Variants in TCF7L1 observed in about 807,000 individuals in gnomAD.
TCF7L1 encodes transcription factor 7 like 1.
TCF7L1 carries 18 observed loss-of-function variants against 63.7 expected under a neutral mutation model. That is an observed-to-expected ratio of 0.28 (90% CI 0.20 to 0.42). The LOEUF (loss-of-function observed/expected upper bound fraction) is 0.42. Among genes scored for constraint, TCF7L1 ranks in the 10% least tolerant of loss-of-function variants. The pLI is 1.00. For missense variants in TCF7L1, 654 were observed against 779.3 expected (o/e 0.84, Z 1.91); for synonymous variants, 355 against 340.9 (o/e 1.04, Z -0.46).
At chr2:85,144,442 C>CA (rs113744347) in intron 3 of TCF7L1, among the ~76,000 whole-genome samples, 3 of 145,602 alleles carry the variant, frequency 2.1e-5, no homozygotes, top group Non-Finnish European at 3.0e-5. Flanking sequence ...AAACAAAAAC[C>CA]AAAAAAAACA....
intron 3 of TCF7L1, among the ~76,000 whole-genome samples, chr2:85,146,734 C>T (rs941996045): frequency 6.6e-6 from 1 of 151,964 alleles, no homozygotes; most frequent in African/African-American, 2.4e-5. Context: ...GATGTTCTGA[C>T]CTCAGGTGAT....
At chr2:85,222,407 C>T (rs906335925) in intron 3 of TCF7L1, among the ~76,000 whole-genome samples, 5 of 149,460 alleles carry the variant, frequency 3.3e-5, no homozygotes, top group African/African-American at 4.9e-5. Flanking sequence ...TGGTGGTTCA[C>T]GCCTGTAATC....
chr2:85,201,127 T>G (rs994471393), intron 3 of TCF7L1, among the ~76,000 whole-genome samples: 1 of 152,172 alleles, frequency 6.6e-6, no homozygotes, highest in Non-Finnish European at 1.5e-5. Flanking sequence ...CGCTTGAACC[T>G]GGGAGGCGGA....
chr2:85,255,158 C>T (rs535870026), intron 3 of TCF7L1, among the ~76,000 whole-genome samples: 1 of 152,160 alleles, frequency 6.6e-6, no homozygotes, highest in Non-Finnish European at 1.5e-5. Context: ...CTGGGCCCCA[C>T]GACACACCTC....
chr2:85,223,234 A>G (rs1679886632), intron 3 of TCF7L1, among the ~76,000 whole-genome samples: 1 of 152,206 alleles, frequency 6.6e-6, no homozygotes, highest in East Asian at 1.9e-4. Context: ...GGTGTGTGCC[A>G]TCACGCCCTG....
In TCF7L1 at chr2:85,302,568, C is replaced by T; in HGVS notation, c.610C>T (p.Pro204Ser). ...LITYSNDHFS[P>S]GSPPTHLSPE... ...CACCTACAGCAATGACCACTTCTCC[C>T]CCGGCTCCCCTCCCACCCACCTCTC... Residue 204 changes from proline to serine, a missense_variant, in exon 5 of 12, where the codon CCC (proline) becomes TCC (serine). By Grantham distance (74) the Pro-to-Ser change is moderately conservative. Coordinates refer to ENST00000282111, the MANE Select transcript of TCF7L1 (RefSeq NM_031283.3). 2 of 1,614,140 alleles carry T rather than the reference C, an allele frequency of 1.2e-6. No homozygotes were observed. Among genetic ancestry groups the T allele is most frequent in the Non-Finnish European group, 1.7e-6 (2 of 1,179,972 alleles).
intron 3 of TCF7L1, among the ~76,000 whole-genome samples, chr2:85,204,461 C>T (rs1679350193): frequency 1.3e-5 from 2 of 152,152 alleles, no homozygotes; most frequent in African/African-American, 2.4e-5. Context: ...CATACTTGAA[C>T]ACACCTTTGT....
At chr2:85,244,047 A>G (rs1680404178) in intron 3 of TCF7L1, among the ~76,000 whole-genome samples, 1 of 152,244 alleles carries the variant, frequency 6.6e-6, no homozygotes, top group South Asian at 2.1e-4. Context: ...CAGGGAGGTG[A>G]CAAACTCTAT....
intron 3 of TCF7L1, among the ~76,000 whole-genome samples, chr2:85,167,725 ATGG>A (rs1203247203): frequency 6.6e-6 from 1 of 152,156 alleles, no homozygotes; most frequent in Admixed American, 6.5e-5. Flanking sequence ...TAAGCTGAGC[ATGG>A]TGGCACATGC....
At position 85,134,214 on chromosome 2, in the gene TCF7L1, G is replaced by A; in HGVS notation, c.314-109G>A. ...GCCTTTATTGGCGGCAGCCCCCGTGGGGCGCGCGTGGGGGGCGCTGGGGTC... is the reference window on the plus strand; with the variant it reads ...GCCTTTATTGGCGGCAGCCCCCGTGAGGCGCGCGTGGGGGGCGCTGGGGTC... On this transcript the variant is annotated intron_variant, in intron 2 of 11. Coordinates refer to ENST00000282111, the MANE Select transcript of TCF7L1 (RefSeq NM_031283.3). The surrounding 1 kb of genome is among the most constrained non-coding windows in gnomAD (Gnocchi z 5.0). 5.4e-6 allele frequency: 8 copies of A among 1,479,750 alleles called. No individual in the cohort carries two copies. The highest frequency in any genetic ancestry group is 6.3e-6 in the Non-Finnish European group (7 of 1,113,256). The allele number at this position is 1,479,750 out of a possible 1,614,324, so 91.7% of individuals were successfully genotyped here. A position where few individuals can be genotyped will look rare whatever the true frequency, so the allele number is the denominator to read the frequency against.
At chr2:85,170,969 T>C (rs772085077) in intron 3 of TCF7L1, among the ~76,000 whole-genome samples, 1 of 152,182 alleles carries the variant, frequency 6.6e-6, no homozygotes, top group Non-Finnish European at 1.5e-5. Context: ...GTTGGTTTTT[T>C]AGACTTTGGG....
chr2:85,206,935 C>A (rs563043871), intron 3 of TCF7L1, among the ~76,000 whole-genome samples: 66 of 152,084 alleles, frequency 4.3e-4, no homozygotes, highest in African/African-American at 1.5e-3. Flanking sequence ...AATGTTGACA[C>A]CACTCTCTGG....
At chr2:85,138,272 C>T (rs1256422536) in intron 3 of TCF7L1, among the ~76,000 whole-genome samples, 1 of 152,108 alleles carries the variant, frequency 6.6e-6, no homozygotes, top group Non-Finnish European at 1.5e-5. Context: ...TCCTTTATAT[C>T]CCACTGCTTC....
rs192325168 is a variant in TCF7L1, at chr2:85,215,432, G to A, written c.442-68063G>A. On this transcript the variant is annotated intron_variant, in intron 3 of 11. Transcript: ENST00000282111. Reference sequence around the variant, plus strand: ...CTTCAACAAACAGTTCCCACACAACGCAACTTTTCCTACAGTTGGGTGGGC... The same window carrying A: ...CTTCAACAAACAGTTCCCACACAACACAACTTTTCCTACAGTTGGGTGGGC... 4.6e-5 allele frequency among the ~76,000 whole-genome samples: 7 copies of A among 152,314 alleles called. No individual in the cohort carries two copies. The East Asian group carries it at 5.8e-4, about 13-fold the overall frequency.
intron 3 of TCF7L1, among the ~76,000 whole-genome samples, chr2:85,221,992 G>C (rs186053693): frequency 2.6e-5 from 4 of 151,174 alleles, no homozygotes; most frequent in Admixed American, 2.6e-4. Flanking sequence ...TACAGGAGGC[G>C]TGGGCAGGGT....
intron 3 of TCF7L1, among the ~76,000 whole-genome samples, chr2:85,223,349 C>A (rs914989236): frequency 4.6e-5 from 7 of 152,204 alleles, no homozygotes; most frequent in Non-Finnish European, 7.3e-5. Flanking sequence ...GCATGAGCCA[C>A]CACACCTGGC....
chr2:85,144,719 C>CTCTGTGTG (rs1553393493), intron 3 of TCF7L1, among the ~76,000 whole-genome samples: 1 of 140,540 alleles, frequency 7.1e-6, no homozygotes, highest in Admixed American at 7.3e-5. Flanking sequence ...CTCTCTCTCT[C>CTCTGTGTG]TGTGTGTGTG....
At chr2:85,206,125 C>G (rs2104284037) in intron 3 of TCF7L1, among the ~76,000 whole-genome samples, 1 of 152,370 alleles carries the variant, frequency 6.6e-6, no homozygotes, top group Middle Eastern at 3.4e-3. Flanking sequence ...TCTGCAGGGG[C>G]TAGGGCCAGT....
intron 3 of TCF7L1, among the ~76,000 whole-genome samples, chr2:85,205,655 C>T (rs1442550199): frequency 6.6e-6 from 1 of 152,088 alleles, no homozygotes; most frequent in Non-Finnish European, 1.5e-5. Flanking sequence ...CCTCAGCCTC[C>T]CAAGTAGCTT....
Sources: allele counts gnomAD v4.1 joint callset (sites outside exome capture counted in the v4.1 genomes callset), GRCh38; gene constraint gnomAD v4.1.1; non-coding constraint Gnocchi (gnomAD v3.1); transcripts MANE v1.5; gene names NCBI Gene and HGNC (gene_info 2026-07-23, HGNC 2026-07-21).